Variants in STX6 observed in about 807,000 individuals in gnomAD.
STX6 encodes the protein syntaxin-6.
A neutral mutation model predicts 38.0 loss-of-function variants in STX6; 23 were observed. The observed-to-expected ratio is 0.60, with a 90% CI of 0.43 to 0.86. The LOEUF (loss-of-function observed/expected upper bound fraction) is 0.86. Among genes scored for constraint, STX6 ranks in the 40% least tolerant of loss-of-function variants. The pLI is 0.00. For synonymous variants in STX6, 123 were observed against 107.5 expected (o/e 1.14, Z -0.89); for missense variants, 274 against 312.9 (o/e 0.88, Z 0.94).
At chr1:180,990,957 C>T (rs934326575) in intron 4 of STX6, among the ~76,000 whole-genome samples, 1 of 152,240 alleles carries the variant, frequency 6.6e-6, no homozygotes, top group Admixed American at 6.5e-5. Flanking sequence ...GTCAAAGTAA[C>T]TGCTCACACC....
chr1:181,010,234 A>T (rs1221703158), intron 1 of STX6, among the ~76,000 whole-genome samples: 1 of 152,286 alleles, frequency 6.6e-6, no homozygotes, highest in South Asian at 2.1e-4. Context: ...TTATAACTTT[A>T]AAAAAATGAG....
chr1:180,999,659 A>C (rs1196237756), intron 3 of STX6, among the ~76,000 whole-genome samples: 1 of 3,180 alleles, frequency 3.1e-4, no homozygotes, highest in East Asian at 8.3e-3. Flanking sequence ...GAAGCAAATA[A>C]AGAAAAAAAA....
Position 180,988,267 on chromosome 1 carries a change from T to C in STX6, c.568A>G (p.Ile190Val), listed in dbSNP as rs773569892. ...IGVLKNMSQR[I>V]GGELEEQAVM... ...GCCTGTTCCTCCAGCTCCCCTCCGA[T>C]GCGCTGGGACATGTTCTTCAGCACC... is the stretch of plus-strand genomic sequence containing the variant. Residue 190 changes from isoleucine to valine, a missense_variant, in exon 6 of 8, where the codon ATC (isoleucine) becomes GTC (valine). Ile to Val is a conservative substitution (Grantham distance 29, BLOSUM62 3). Transcript: ENST00000258301. 5.6e-6 allele frequency: 9 copies of C among 1,613,812 alleles called. No homozygotes were observed. Among genetic ancestry groups the C allele is most frequent in the African/African-American group, 2.7e-5 (2 of 74,932 alleles).
At chr1:181,020,847 C>T (rs1209113417) in intron 1 of STX6, among the ~76,000 whole-genome samples, 1 of 152,138 alleles carries the variant, frequency 6.6e-6, no homozygotes, top group Admixed American at 6.5e-5. Flanking sequence ...ATTTAGGCAC[C>T]TTTAATTTTT....
rs117534843 is a variant in STX6 at position 181,022,560 on chromosome 1, C to A, written c.35+79G>T. On this transcript the variant is annotated intron_variant, in intron 1 of 7. Coordinates refer to ENST00000258301, the MANE Select transcript of STX6 (RefSeq NM_005819.6). ...AGCTCCAACTTGCCTCCCCTCCCCC[C>A]ACTGCGAGAAGACCTAGGAGGTGCG... is the stretch of plus-strand genomic sequence containing the variant. 27 of 1,465,542 alleles carry A rather than the reference C, an allele frequency of 1.8e-5. No individual in the cohort carries two copies. The East Asian group carries it at 3.2e-4, about 17-fold the overall frequency. The allele number at this position is 1,465,542 out of a possible 1,614,324, so 90.8% of individuals were successfully genotyped here. A position where few individuals can be genotyped will look rare whatever the true frequency, so the allele number is the denominator to read the frequency against.
chr1:181,001,034 CT>C (rs1368097702), intron 3 of STX6, among the ~76,000 whole-genome samples: 1 of 152,162 alleles, frequency 6.6e-6, no homozygotes, highest in East Asian at 1.9e-4. Flanking sequence ...GATGGGGCAT[CT>C]GAGGTCCAGA....
chr1:181,001,811 T>C (rs1176765696), intron 3 of STX6, among the ~76,000 whole-genome samples: 2 of 152,256 alleles, frequency 1.3e-5, no homozygotes, highest in Non-Finnish European at 2.9e-5. Flanking sequence ...AAGGGTCTAA[T>C]CATTCAGGAT....
intron 1 of STX6, among the ~76,000 whole-genome samples, chr1:181,020,239 A>T (rs776582897): frequency 1.3e-5 from 2 of 152,178 alleles, no homozygotes; most frequent in Non-Finnish European, 2.9e-5. Flanking sequence ...TATTTAATGA[A>T]CTTTAAATAC....
intron 3 of STX6, among the ~76,000 whole-genome samples, chr1:180,994,280 C>T (rs528313219): frequency 6.6e-6 from 1 of 152,270 alleles, no homozygotes; most frequent in African/African-American, 2.4e-5. Context: ...TTTAAAGACC[C>T]ATGACAAGTA....
intron 1 of STX6, among the ~76,000 whole-genome samples, chr1:181,011,678 G>A (rs1656404979): frequency 6.6e-6 from 1 of 152,212 alleles, no homozygotes; most frequent in Non-Finnish European, 1.5e-5. Context: ...TTTGAGATTT[G>A]TGAGGGTTTT....
chr1:181,003,366 G>A (rs1179350169), intron 2 of STX6, among the ~76,000 whole-genome samples: 1 of 152,164 alleles, frequency 6.6e-6, no homozygotes, highest in Admixed American at 6.5e-5. Flanking sequence ...CTGGCACATA[G>A]TATACTCAAT....
At chr1:181,010,182 C>A (rs1319803400) in intron 1 of STX6, among the ~76,000 whole-genome samples, 1 of 152,032 alleles carries the variant, frequency 6.6e-6, no homozygotes, top group Non-Finnish European at 1.5e-5. Flanking sequence ...GTCAATTTCA[C>A]AGAAGTGTAC....
chr1:181,010,000 C>A (rs1170740917), intron 1 of STX6, among the ~76,000 whole-genome samples: 1 of 152,204 alleles, frequency 6.6e-6, no homozygotes, highest in Non-Finnish European at 1.5e-5. Context: ...TACGATTTCA[C>A]TGACATAACA....
At chr1:180,980,811 T>A (rs2102300927) in intron 7 of STX6, 1 of 152,222 alleles carries the variant, frequency 6.6e-6, no homozygotes, top group South Asian at 2.1e-4. Context: ...ATGGATAAAT[T>A]GTGGTACATC....
chr1:181,021,928 G>C (rs145287951), intron 1 of STX6, among the ~76,000 whole-genome samples: 1 of 152,322 alleles, frequency 6.6e-6, no homozygotes, highest in South Asian at 2.1e-4. Flanking sequence ...GAAAATTCCG[G>C]TTGCTAATAG....
intron 1 of STX6, among the ~76,000 whole-genome samples, chr1:181,010,418 C>CA (rs967409116): frequency 2.0e-5 from 3 of 152,082 alleles, no homozygotes; most frequent in Non-Finnish European, 4.4e-5. Context: ...TCTCCTGCCT[C>CA]AGCCTCCCGA....
chr1:181,022,597 C>A (rs114103991), intron 1 of STX6, 42 bp downstream of exon 1: 2 of 1,593,166 alleles, frequency 1.3e-6, no homozygotes, highest in African/African-American at 2.7e-5. Context: ...GCAGGCAGCA[C>A]CGCCACCTCT....
At chr1:180,993,176 G>C (rs1180125855) in intron 4 of STX6, among the ~76,000 whole-genome samples, 187 bp downstream of exon 4, 1 of 152,140 alleles carries the variant, frequency 6.6e-6, no homozygotes, top group African/African-American at 2.4e-5. Flanking sequence ...GGAGGGGAGG[G>C]AAATGTTGAC....
intron 4 of STX6, among the ~76,000 whole-genome samples, chr1:180,991,418 T>C (rs569930027): frequency 4.0e-4 from 61 of 152,228 alleles, no homozygotes; most frequent in Admixed American, 2.6e-4. Context: ...ATGGAAGACA[T>C]GAGGAAATAG....
Sources: allele counts gnomAD v4.1 joint callset (sites outside exome capture counted in the v4.1 genomes callset), GRCh38; gene constraint gnomAD v4.1.1; transcripts MANE v1.5; gene names NCBI Gene and HGNC (gene_info 2026-07-23, HGNC 2026-07-21).